HEPACAM2: variants seen among roughly 807,000 people sequenced by gnomAD.
HEPACAM2 encodes mitotic kinetics regulator.
A neutral mutation model predicts 49.6 loss-of-function variants in HEPACAM2; 49 were observed. The observed-to-expected ratio is 0.99, with a 90% CI of 0.78 to 1.25. HEPACAM2 has a LOEUF of 1.25. Ranked by LOEUF, HEPACAM2 falls within the 50% of genes most tolerant of loss-of-function variation. The probability of loss-of-function intolerance (pLI) is 0.00; values close to 1 mark genes in which losing one functional copy is unlikely to be tolerated. For synonymous variants in HEPACAM2, 197 were observed against 202.9 expected (o/e 0.97, Z 0.25); for missense variants, 525 against 557.2 (o/e 0.94, Z 0.58).
At chr7:93,218,974 C>T (rs1177176630) in intron 2 of HEPACAM2, 127 bp downstream of exon 2, 1 of 704,174 alleles carries the variant, frequency 1.4e-6, no homozygotes, top group African/African-American at 1.8e-5. Flanking sequence ...GATATTGAGG[C>T]TTTGAGGATT....
chr7:93,226,233 ATTG>A (rs1304361037), intron 1 of HEPACAM2, 132 bp downstream of exon 1: 3 of 629,254 alleles, frequency 4.8e-6, no homozygotes, highest in Non-Finnish European at 5.6e-6. Flanking sequence ...ACAGTGTGTT[ATTG>A]TTAAAAGGTT....
intron 1 of HEPACAM2, chr7:93,225,798 A>G: frequency 1.8e-6 from 1 of 570,392 alleles, no homozygotes; most frequent in Non-Finnish European, 2.9e-6. Context: ...CAAAGAGAAA[A>G]GCTAAAGGCA....
intron 3 of HEPACAM2, among the ~76,000 whole-genome samples, chr7:93,212,642 T>C (rs1794204662): frequency 6.6e-6 from 1 of 152,082 alleles, no homozygotes; most frequent in Non-Finnish European, 1.5e-5. Flanking sequence ...CTTTAATGCA[T>C]CTTTTTCTCT....
At chr7:93,224,147 T>A (rs1347653775) in intron 1 of HEPACAM2, among the ~76,000 whole-genome samples, 1 of 151,816 alleles carries the variant, frequency 6.6e-6, no homozygotes, top group Non-Finnish European at 1.5e-5. Flanking sequence ...TATAAAAAGG[T>A]TGGTTGTGGT....
At chr7:93,196,980 C>A (rs1793741477) in intron 7 of HEPACAM2, among the ~76,000 whole-genome samples, 1 of 151,138 alleles carries the variant, frequency 6.6e-6, no homozygotes, top group Non-Finnish European at 1.5e-5. Flanking sequence ...GTGACTTAAT[C>A]TCCTTGATTA....
rs1584343493 is a variant in HEPACAM2 at position 93,208,721 on chromosome 7, A to G, written c.871T>C (p.Tyr291His). 1.2e-6 allele frequency: 2 copies of G among 1,613,188 alleles called. No individual in the cohort carries two copies. The highest frequency in any genetic ancestry group is 1.7e-6 in the Non-Finnish European group (2 of 1,179,460). ...AAGCGAGGCCCATGCTTAATGATAT[A>G]TGTAGTATTGTCAGTCCTCCTAATC... ...SWIRRTDNTT[Y>H]IIKHGPRLEV... is the part of the protein sequence containing the mutation. The change falls in exon 4 of 10, where the codon TAT becomes CAT. Residue 291 changes from tyrosine (Y) to histidine (H), a missense_variant. By Grantham distance (83) the Tyr-to-His change is moderately conservative (BLOSUM62 2). Transcript: ENST00000394468.
Position 93,217,262 on chromosome 7 carries a change from T to G in HEPACAM2, c.431-1577A>C, listed in dbSNP as rs1246788592. ...TAAATAGGTAACACATCAACAGTTT[T>G]GTATGAGAAGAACCAATCATTAGAA... On this transcript the variant is annotated intron_variant, in intron 2 of 9. Coordinates refer to ENST00000394468, the MANE Select transcript of HEPACAM2 (RefSeq NM_001039372.4). 3.3e-5 allele frequency among the ~76,000 whole-genome samples: 5 copies of G among 152,210 alleles called. No homozygotes were observed. The East Asian group carries it at 9.6e-4, about 29-fold the overall frequency.
rs147501298 is a variant in HEPACAM2, at chr7:93,222,215, GTCTA to G, written c.80-2768_80-2765del. On this transcript the variant is annotated intron_variant, in intron 1 of 9. Transcript: ENST00000394468. ...TCAGCACAGGAAAAGATTCCTCTTT[GTCTA>G]TCTGTTTTCTGTACAAAACAAAATG... is the stretch of plus-strand genomic sequence containing the variant. 9.5e-3 allele frequency among the ~76,000 whole-genome samples: 1,453 copies of G among 152,164 alleles called. 19 individuals are homozygous for G. Among genetic ancestry groups the G allele is most frequent in the African/African-American group, 0.031 (1,289 of 41,514 alleles).
chr7:93,195,021 G>T (rs1181659846), intron 8 of HEPACAM2, among the ~76,000 whole-genome samples: 1 of 142,846 alleles, frequency 7.0e-6, no homozygotes, highest in Non-Finnish European at 1.5e-5. Context: ...ATGTATACTT[G>T]CATACTTTGG....
At chr7:93,225,095 TTAAC>T (rs1404414841) in intron 1 of HEPACAM2, among the ~76,000 whole-genome samples, 2 of 152,154 alleles carry the variant, frequency 1.3e-5, no homozygotes, top group Non-Finnish European at 2.9e-5. Flanking sequence ...GTTGAATTCC[TTAAC>T]TAAATTGTCT....
intron 8 of HEPACAM2, 105 bp from the exon 9 acceptor site, chr7:93,192,468 A>G (rs147972299): frequency 3.8e-6 from 3 of 779,562 alleles, no homozygotes; most frequent in African/African-American, 3.4e-5. Context: ...TGATTAGAGA[A>G]TTAGAACTAT....
intron 7 of HEPACAM2, among the ~76,000 whole-genome samples, chr7:93,196,964 G>C (rs1006563397): frequency 6.6e-5 from 10 of 152,042 alleles, no homozygotes; most frequent in African/African-American, 2.4e-4. Flanking sequence ...TACTGACTGT[G>C]GACAAGTGAC....
intron 1 of HEPACAM2, among the ~76,000 whole-genome samples, chr7:93,220,856 T>G (rs2116721944): frequency 6.6e-6 from 1 of 152,310 alleles, no homozygotes; most frequent in Non-Finnish European, 1.5e-5. Flanking sequence ...CTTCCTTAGC[T>G]CAGGTTACCA....
At chr7:93,223,646 T>A (rs554920900) in intron 1 of HEPACAM2, among the ~76,000 whole-genome samples, 22 of 152,308 alleles carry the variant, frequency 1.4e-4, no homozygotes, top group Admixed American at 1.0e-3. Context: ...CAAATATGTA[T>A]GCTTTTTCAA....
At chr7:93,229,897 G>A (rs1794594722), upstream of HEPACAM2, among the ~76,000 whole-genome samples, 1 of 152,080 alleles carries the variant, frequency 6.6e-6, no homozygotes, top group Non-Finnish European at 1.5e-5. Flanking sequence ...ATAACGTAAG[G>A]TTCAATTATT....
chr7:93,192,180 A>T, intron 9 of HEPACAM2, 74 bp downstream of exon 9: 1 of 1,024,878 alleles, frequency 9.8e-7, no homozygotes, highest in Non-Finnish European at 1.5e-6. Context: ...TGTGCCTTTT[A>T]ATCAGTTCTG....
chr7:93,210,273 C>T lies in HEPACAM2; in HGVS notation c.716-1397G>A, dbSNP rs117498732. ...GCACTTTAAGTGCTTATGCAGATAACAACATTTAATATTTAGAGCAACCAC... is the reference window on the plus strand; with the variant it reads ...GCACTTTAAGTGCTTATGCAGATAATAACATTTAATATTTAGAGCAACCAC... On this transcript the variant is annotated intron_variant, in intron 3 of 9. Transcript: ENST00000394468. Among the ~76,000 whole-genome samples, 706 of 151,888 alleles carry T rather than the reference C, an allele frequency of 4.6e-3. 6 individuals are homozygous for T. The highest frequency in any genetic ancestry group is 6.5e-3 in the Non-Finnish European group (441 of 67,884).
intron 3 of HEPACAM2, among the ~76,000 whole-genome samples, chr7:93,213,637 C>T (rs1354244199): frequency 1.3e-5 from 2 of 152,084 alleles, no homozygotes; most frequent in Non-Finnish European, 2.9e-5. Flanking sequence ...ATTTCTTAAT[C>T]TCTGTCAGCT....
intron 1 of HEPACAM2, among the ~76,000 whole-genome samples, chr7:93,221,710 T>A (rs1276920955): frequency 4.6e-5 from 7 of 152,264 alleles, no homozygotes; most frequent in Admixed American, 4.6e-4. Flanking sequence ...CAACTGAAAC[T>A]TACCATATGG....
Sources: gnomAD v4.1 joint callset for allele counts (sites outside exome capture counted in the v4.1 genomes callset) on GRCh38, gnomAD v4.1.1 for gene constraint, MANE v1.5 for transcripts, NCBI Gene and HGNC (gene_info 2026-07-23, HGNC 2026-07-21) for gene names.